Variants in TMEM135 observed in about 807,000 individuals in gnomAD.
The protein encoded by TMEM135 is peroxisomal membrane protein 52.
TMEM135 carries 30 observed loss-of-function variants against 60.3 expected under a neutral mutation model. The observed-to-expected ratio is 0.50, with a 90% CI of 0.37 to 0.68. The LOEUF is 0.68. TMEM135 is among the 30% of genes least tolerant of loss of function. The pLI is 0.00. For synonymous variants in TMEM135, 190 were observed against 186.7 expected (o/e 1.02, Z -0.14); for missense variants, 468 against 548.8 (o/e 0.85, Z 1.47).
intron 1 of TMEM135, among the ~76,000 whole-genome samples, chr11:87,038,629 T>TTTA (rs1286519817): frequency 8.2e-6 from 1 of 121,946 alleles, no homozygotes; most frequent in Non-Finnish European, 1.8e-5. Flanking sequence ...TTTTTTTTTT[T>TTTA]AATGAAGAAG....
At chr11:87,091,792 T>C (rs1857212172) in intron 4 of TMEM135, among the ~76,000 whole-genome samples, 1 of 152,134 alleles carries the variant, frequency 6.6e-6, no homozygotes, top group South Asian at 2.1e-4. Context: ...TATGTTCTTC[T>C]TGAATATAAA....
intron 4 of TMEM135, among the ~76,000 whole-genome samples, chr11:87,099,483 A>G (rs1857403316): frequency 6.6e-6 from 1 of 152,104 alleles, no homozygotes; most frequent in Admixed American, 6.6e-5. Flanking sequence ...TACAGTCAGG[A>G]TACAGAATAT....
intron 1 of TMEM135, among the ~76,000 whole-genome samples, chr11:87,045,397 TCTAGCATGTCG>T (rs1949787318): frequency 6.6e-6 from 1 of 152,136 alleles, no homozygotes; most frequent in African/African-American, 2.4e-5. Context: ...AACTACAGCC[TCTAGCATGTCG>T]CTTCCAGTTG....
In TMEM135 at chr11:87,286,634, G is replaced by C. The variant is rs145392413; in HGVS notation, c.510-9148G>C. ...ACACCACGGGGTGGGGGTGGGGCTC[G>C]GGCATGGTGGGCTGCAAGACTACAT... On this transcript the variant is annotated intron_variant, in intron 6 of 14. Coordinates refer to ENST00000305494, the MANE Select transcript of TMEM135 (RefSeq NM_022918.4). 8.3e-3 allele frequency among the ~76,000 whole-genome samples: 1,271 copies of C among 152,320 alleles called. 18 individuals carry two copies. The highest frequency in any genetic ancestry group is 0.029 in the African/African-American group (1,221 of 41,570).
intron 3 of TMEM135, among the ~76,000 whole-genome samples, chr11:87,080,009 T>G (rs147808604): frequency 0.018 from 2,776 of 151,082 alleles, 72 homozygotes; most frequent in East Asian, 0.064. Flanking sequence ...GCCTGGCTAA[T>G]TTTTGTATTT....
At chr11:87,282,329 A>G (rs1374089276) in intron 6 of TMEM135, among the ~76,000 whole-genome samples, 3 of 151,966 alleles carry the variant, frequency 2.0e-5, no homozygotes, top group East Asian at 1.9e-4. Context: ...CAATGATGCA[A>G]TCTCGGCTCA....
At chr11:87,278,228 A>G (rs1052800250) in intron 6 of TMEM135, among the ~76,000 whole-genome samples, 1 of 152,212 alleles carries the variant, frequency 6.6e-6, no homozygotes, top group Non-Finnish European at 1.5e-5. Flanking sequence ...TCTTTTCCCT[A>G]AAACCATCTT....
chr11:87,265,942 T>C (rs1565148167), intron 6 of TMEM135, among the ~76,000 whole-genome samples: 1 of 152,276 alleles, frequency 6.6e-6, no homozygotes, highest in East Asian at 1.9e-4. Context: ...TGTAGTAGTA[T>C]ACTGAGCTAT....
At chr11:87,161,258 A>G (rs536966071) in intron 5 of TMEM135, among the ~76,000 whole-genome samples, 6 of 152,146 alleles carry the variant, frequency 3.9e-5, no homozygotes, top group Non-Finnish European at 5.9e-5. Flanking sequence ...AATAATCATT[A>G]AAATTAATGA....
rs576114945 is a variant in TMEM135, at chr11:87,143,393, A to G, written c.397-13948A>G. ...TTTTTTTTTTTTAAGCTGACCATGG[A>G]GCACACTTTCCTGTTTTGTTTGTTT... On this transcript the variant is annotated intron_variant, in intron 4 of 14. Coordinates refer to ENST00000305494, the MANE Select transcript of TMEM135 (RefSeq NM_022918.4). Among the ~76,000 whole-genome samples, 12 of 146,470 alleles carry G rather than the reference A, an allele frequency of 8.2e-5. No homozygotes were observed. The South Asian group carries it at 2.6e-3, about 32-fold the overall frequency.
At chr11:87,083,631 T>G (rs1355401216) in intron 3 of TMEM135, among the ~76,000 whole-genome samples, 2 of 152,188 alleles carry the variant, frequency 1.3e-5, no homozygotes. Context: ...AAGTTCTTGG[T>G]ATCTTCAAGT....
chr11:87,189,814 G>T (rs1939754706), intron 5 of TMEM135, among the ~76,000 whole-genome samples: 1 of 151,174 alleles, frequency 6.6e-6, no homozygotes, highest in African/African-American at 2.4e-5. Context: ...CTACTTGGGA[G>T]GCTGAGGTGG....
chr11:87,312,110 T>A (rs1942649112), intron 10 of TMEM135, among the ~76,000 whole-genome samples: 1 of 151,580 alleles, frequency 6.6e-6, no homozygotes, highest in Non-Finnish European at 1.5e-5. Context: ...GTTTATGATG[T>A]GATTGAGTTT....
At chr11:87,162,689 A>G (rs908174419) in intron 5 of TMEM135, among the ~76,000 whole-genome samples, 26 of 152,158 alleles carry the variant, frequency 1.7e-4, no homozygotes, top group African/African-American at 5.6e-4. Context: ...ATACGTGTAC[A>G]TGTGTCTTTA....
chr11:87,104,290 T>G (rs532734842), intron 4 of TMEM135, among the ~76,000 whole-genome samples: 6 of 152,322 alleles, frequency 3.9e-5, no homozygotes, highest in African/African-American at 1.2e-4. Context: ...TCCGTTGGTC[T>G]GTCTGTCTTT....
chr11:87,069,269 A>G (rs1856727957), intron 2 of TMEM135, among the ~76,000 whole-genome samples: 1 of 134,962 alleles, frequency 7.4e-6, no homozygotes, highest in Non-Finnish European at 1.6e-5. Flanking sequence ...TGGGTGACAG[A>G]GTAAGACTCC....
intron 5 of TMEM135, among the ~76,000 whole-genome samples, chr11:87,195,313 CT>C (rs1939910567): frequency 8.3e-6 from 1 of 120,044 alleles, no homozygotes; most frequent in Non-Finnish European, 1.7e-5. Context: ...CTTTCTTTCT[CT>C]TTCCTTCCTT....
chr11:87,121,792 A>T (rs1306133470), intron 4 of TMEM135, among the ~76,000 whole-genome samples: 1 of 151,978 alleles, frequency 6.6e-6, no homozygotes, highest in Non-Finnish European at 1.5e-5. Context: ...GGTACACGCC[A>T]CCAAGCCTGA....
At chr11:87,211,335 A>C (rs1940364969) in intron 5 of TMEM135, among the ~76,000 whole-genome samples, 1 of 152,256 alleles carries the variant, frequency 6.6e-6, no homozygotes, top group Non-Finnish European at 1.5e-5. Flanking sequence ...TAGTTCATAG[A>C]GTATTTTAAT....
Sources: gnomAD v4.1 joint callset for allele counts (sites outside exome capture counted in the v4.1 genomes callset) on GRCh38, gnomAD v4.1.1 for gene constraint, MANE v1.5 for transcripts, NCBI Gene and HGNC (gene_info 2026-07-23, HGNC 2026-07-21) for gene names.